The following NLGN1 variants were observed in gnomAD, a reference collection of about 807,000 sequenced individuals.
NLGN1 encodes the protein neuroligin-1.
Under a neutral mutation model 65.5 loss-of-function variants are expected in NLGN1, and 12 were observed. The ratio of observed to expected loss-of-function variants is 0.18; its 90% CI spans 0.12 to 0.30. NLGN1 has a LOEUF of 0.30. Ranked by LOEUF, NLGN1 falls within the 10% of genes least tolerant of loss-of-function variation. The probability of loss-of-function intolerance (pLI) is 1.00; values close to 1 mark genes in which losing one functional copy is unlikely to be tolerated. For synonymous variants in NLGN1, 350 were observed against 359.5 expected (o/e 0.97, Z 0.30); for missense variants, 750 against 1,007.1 (o/e 0.74, Z 3.46).
intron 2 of NLGN1, among the ~76,000 whole-genome samples, chr3:173,456,717 A>G (rs2148870933): frequency 6.6e-6 from 1 of 152,230 alleles, no homozygotes; most frequent in Middle Eastern, 3.4e-3. Flanking sequence ...AAGCCAAGCC[A>G]TTACTACCCG....
At chr3:173,697,812 G>A (rs184460598) in intron 3 of NLGN1, among the ~76,000 whole-genome samples, 21 of 152,272 alleles carry the variant, frequency 1.4e-4, no homozygotes, top group Admixed American at 1.2e-3. Context: ...TTACAGGCGT[G>A]AGCCACTGCA....
Position 173,973,332 on chromosome 3 carries a change from C to A in NLGN1, c.646+165500C>A, listed in dbSNP as rs534958303. On this transcript the variant is annotated intron_variant, in intron 4 of 6. Coordinates refer to ENST00000457714, the Ensembl canonical transcript of NLGN1. The stretch of plus-strand genomic sequence containing the variant: ...CAAGACTCTTTGTTTTAGTCCCTTG[C>A]CACAAGCCTGTCCGCCCAGGAGTCC... 3.2e-3 allele frequency among the ~76,000 whole-genome samples: 493 copies of A among 152,156 alleles called. 8 individuals carry two copies. Among genetic ancestry groups the A allele is most frequent in the African/African-American group, 0.011 (453 of 41,538 alleles).
At chr3:174,040,894 A>T (rs1359180892) in intron 4 of NLGN1, among the ~76,000 whole-genome samples, 1 of 152,188 alleles carries the variant, frequency 6.6e-6, no homozygotes, top group Non-Finnish European at 1.5e-5. Flanking sequence ...TATGTAGTTC[A>T]AAGTAAATTG....
chr3:174,179,254 C>T (rs1284105562), intron 4 of NLGN1, among the ~76,000 whole-genome samples: 3 of 151,794 alleles, frequency 2.0e-5, no homozygotes, highest in Non-Finnish European at 4.4e-5. Flanking sequence ...ATCTTATTAT[C>T]TTGATTTAAA....
chr3:174,001,328 T>A (rs987632066), intron 4 of NLGN1, among the ~76,000 whole-genome samples: 1 of 151,870 alleles, frequency 6.6e-6, no homozygotes, highest in Non-Finnish European at 1.5e-5. Context: ...AGAAACAGAT[T>A]TTTTTCTTTG....
intron 3 of NLGN1, among the ~76,000 whole-genome samples, chr3:173,677,481 T>A (rs926147094): frequency 6.6e-6 from 1 of 152,060 alleles, no homozygotes; most frequent in African/African-American, 2.4e-5. Context: ...TCAAGTTGCC[T>A]ATAAATTATT....
chr3:173,972,568 GAA>G (rs201958838), intron 4 of NLGN1, among the ~76,000 whole-genome samples: 1,877 of 152,208 alleles, frequency 0.012, 17 homozygotes, highest in Middle Eastern at 0.02. Flanking sequence ...ATGTGGAAGA[GAA>G]AGAGATAAAA....
intron 4 of NLGN1, among the ~76,000 whole-genome samples, chr3:173,989,129 G>A (rs1024064748): frequency 7.2e-5 from 11 of 152,150 alleles, no homozygotes; most frequent in African/African-American, 2.4e-4. Context: ...AGCCCACAGA[G>A]CTCAAGGGAT....
At chr3:173,641,158 C>T (rs188299687) in intron 3 of NLGN1, among the ~76,000 whole-genome samples, 113 of 151,858 alleles carry the variant, frequency 7.4e-4, no homozygotes, top group African/African-American at 2.6e-3. Flanking sequence ...TTTTCTAATC[C>T]CTTTGTACTT....
At chr3:173,474,644 A>G (rs1725876584) in intron 2 of NLGN1, among the ~76,000 whole-genome samples, 1 of 152,154 alleles carries the variant, frequency 6.6e-6, no homozygotes, top group South Asian at 2.1e-4. Context: ...TATGCATGTT[A>G]TTATTAAATA....
chr3:173,873,136 T>G (rs1177106399), intron 4 of NLGN1, among the ~76,000 whole-genome samples: 3 of 151,838 alleles, frequency 2.0e-5, no homozygotes, highest in Non-Finnish European at 4.4e-5. Context: ...CTGCCCAGGC[T>G]GGAGTGCAGT....
Position 173,847,718 on chromosome 3 carries a change from A to C in NLGN1, c.646+39886A>C, listed in dbSNP as rs182945140. On this transcript the variant is annotated intron_variant, in intron 4 of 6. Coordinates refer to ENST00000457714, the Ensembl canonical transcript of NLGN1. ...AAAACCCTGTCTCTACTAAAAATAC[A>C]AAAATTAGCCAGGTGTGGTGGCATG... Among the ~76,000 whole-genome samples, 49 of 152,288 alleles carry C rather than the reference A, an allele frequency of 3.2e-4. No homozygotes were observed. In the East Asian group the frequency reaches 5.8e-3, roughly 18 times the overall value.
chr3:174,002,816 T>C (rs1267004520), intron 4 of NLGN1, among the ~76,000 whole-genome samples: 1 of 152,216 alleles, frequency 6.6e-6, no homozygotes, highest in Non-Finnish European at 1.5e-5. Flanking sequence ...ATTTCTCTTA[T>C]TTGTGACTTT....
intron 1 of NLGN1, among the ~76,000 whole-genome samples, chr3:173,408,651 G>A (rs1384422520): frequency 6.6e-6 from 1 of 152,150 alleles, no homozygotes. Flanking sequence ...AGTGGCTCAC[G>A]CCTGTAATCC....
intron 3 of NLGN1, among the ~76,000 whole-genome samples, chr3:173,633,821 T>C (rs940475447): frequency 6.6e-6 from 1 of 152,194 alleles, no homozygotes; most frequent in Non-Finnish European, 1.5e-5. Flanking sequence ...CAGTACAGTA[T>C]TTATAGGAAA....
intron 3 of NLGN1, among the ~76,000 whole-genome samples, chr3:173,779,115 A>C (rs73880576): frequency 0.028 from 4,282 of 151,844 alleles, 217 homozygotes; most frequent in African/African-American, 0.098. Flanking sequence ...CTGTAGAAAT[A>C]AATAGTTGCT....
intron 3 of NLGN1, among the ~76,000 whole-genome samples, chr3:173,802,547 C>A (rs938771464): frequency 1.3e-5 from 2 of 152,144 alleles, no homozygotes; most frequent in African/African-American, 2.4e-5. Flanking sequence ...ATTTTTAACT[C>A]AATTCTTTTT....
chr3:174,045,696 C>G (rs760125409), intron 4 of NLGN1, among the ~76,000 whole-genome samples: 6 of 152,142 alleles, frequency 3.9e-5, no homozygotes, highest in Non-Finnish European at 7.4e-5. Context: ...ACTGGAATTT[C>G]AAACCAGTAT....
chr3:173,756,003 A>T (rs1346949079), intron 3 of NLGN1, among the ~76,000 whole-genome samples: 7 of 152,118 alleles, frequency 4.6e-5, no homozygotes, highest in Admixed American at 2.6e-4. Flanking sequence ...TGCATTATAT[A>T]TGGTATTTTT....
Sources: allele counts gnomAD v4.1 joint callset (sites outside exome capture counted in the v4.1 genomes callset), GRCh38; gene constraint gnomAD v4.1.1; transcripts MANE v1.5; gene names NCBI Gene and HGNC (gene_info 2026-07-23, HGNC 2026-07-21).